Variants in EXD3 observed in about 807,000 individuals in gnomAD.
EXD3 encodes exonuclease 3'-5' domain containing 3.
A neutral mutation model predicts 98.0 loss-of-function variants in EXD3; 92 were observed. The observed-to-expected ratio is 0.94, with a 90% CI of 0.79 to 1.12. The LOEUF is 1.12. EXD3 is among the 50% of genes most tolerant of loss of function. The pLI, the probability that EXD3 is intolerant of heterozygous loss-of-function variation, is 0.00. For missense variants in EXD3, 1,222 were observed against 1,191.6 expected (o/e 1.03, Z -0.38); for synonymous variants, 569 against 526.0 (o/e 1.08, Z -1.12).
chr9:137,347,477 T>C lies in EXD3; in HGVS notation c.1998+594A>G, dbSNP rs1833995248. Among the ~76,000 whole-genome samples the C allele has an allele frequency of 6.6e-6, 1 of 151,900 alleles. No individual in the cohort carries two copies. Among genetic ancestry groups the C allele is most frequent in the Non-Finnish European group, 1.5e-5 (1 of 67,976 alleles). On this transcript the variant is annotated intron_variant, in intron 17 of 21. Transcript: ENST00000340951. The surrounding 1 kb of genome is among the most constrained non-coding windows in gnomAD (Gnocchi z 4.2). ...TTTTTTTTTTAAGATGGAGTCTTGC[T>C]CTGTCAGCCAGGCTGGAGTGCAGTG... is the stretch of plus-strand genomic sequence containing the variant.
At chr9:137,351,951 C>T (rs548663895) in intron 12 of EXD3, 115 bp downstream of exon 12, 31 of 1,350,614 alleles carry the variant, frequency 2.3e-5, no homozygotes, top group South Asian at 5.7e-5. Context: ...GGGCACCTGG[C>T]GGGCTCATGC....
chr9:137,410,030 G>C (rs1288137796), intron 1 of EXD3, among the ~76,000 whole-genome samples: 1 of 150,876 alleles, frequency 6.6e-6, no homozygotes, highest in South Asian at 2.1e-4. Flanking sequence ...CAAAAAATTA[G>C]CTGGGCATGG....
At chr9:137,374,205 A>G (rs1835782962) in intron 3 of EXD3, among the ~76,000 whole-genome samples, 1 of 152,254 alleles carries the variant, frequency 6.6e-6, no homozygotes, top group Admixed American at 6.5e-5. Flanking sequence ...ACTTCAAGCC[A>G]TAACGACTGC....
intron 2 of EXD3, among the ~76,000 whole-genome samples, chr9:137,391,463 G>A (rs1251115750): frequency 2.0e-5 from 3 of 152,220 alleles, no homozygotes; most frequent in Admixed American, 1.3e-4. Flanking sequence ...CCCATTGTCC[G>A]GAGCCCAGCA....
At position 137,348,155 on chromosome 9, in the gene EXD3, C is replaced by A. The variant is rs368003193; in HGVS notation, c.1914G>T (p.Leu638=). 2.2e-5 allele frequency: 36 copies of A among 1,612,066 alleles called. No homozygotes were observed. The highest frequency in any genetic ancestry group is 2.9e-5 in the Non-Finnish European group (34 of 1,179,722). ...RAFRVVCDNM[L]QGLARSLRCL... is the part of the protein sequence containing the mutation. ...AGCGGAGGCTCCGTGCCAGCCCCTG[C>A]AGCATGTTGTCACACACCACACGGA... The change falls in exon 17 of 22, where the codon CTG becomes CTT. Residue 638 remains leucine, a synonymous_variant. Coordinates refer to ENST00000340951, the MANE Select transcript of EXD3 (RefSeq NM_017820.5).
At chr9:137,400,766 A>C (rs563289137) in intron 1 of EXD3, among the ~76,000 whole-genome samples, 1 of 125,894 alleles carries the variant, frequency 7.9e-6, no homozygotes, top group Admixed American at 9.7e-5. Flanking sequence ...CTCCATCTCA[A>C]AAAAAAAAAA....
chr9:137,383,205 G>T, intron 3 of EXD3, 108 bp downstream of exon 3: 2 of 907,396 alleles, frequency 2.2e-6, no homozygotes, highest in South Asian at 1.5e-5. Flanking sequence ...GGCCGTGGGG[G>T]GCTGTGCAGC....
At chr9:137,316,327 G>C (rs1462093454) in intron 19 of EXD3, among the ~76,000 whole-genome samples, 1 of 152,010 alleles carries the variant, frequency 6.6e-6, no homozygotes, top group Non-Finnish European at 1.5e-5. Context: ...GCGCCGGCCT[G>C]GGGGACCCCG....
rs1228701083 is a variant in EXD3, at chr9:137,355,613, A to T, written c.757+655T>A. 4.8e-4 allele frequency among the ~76,000 whole-genome samples: 24 copies of T among 49,942 alleles called. 1 individual carries two copies. Among genetic ancestry groups the T allele is most frequent in the Admixed American group, 5.6e-4 (2 of 3,564 alleles). 32.8% of individuals were successfully genotyped at this position (49,942 alleles called of 152,430 possible). On this transcript the variant is annotated intron_variant, in intron 8 of 21. Coordinates refer to ENST00000340951, the MANE Select transcript of EXD3 (RefSeq NM_017820.5). ...GAAAGGGCGGAAGGAGAAAGGAGGA[A>T]GGAGGAAGGGAGGATGGAGGAAGGA...
intron 17 of EXD3, among the ~76,000 whole-genome samples, chr9:137,329,229 T>G (rs1193343452): frequency 6.5e-5 from 1 of 15,458 alleles, no homozygotes; most frequent in Admixed American, 6.6e-4. Flanking sequence ...GACACGGGGC[T>G]ACACGGGGCT....
rs1375481063 is a variant in EXD3, at chr9:137,324,762, G to A, written c.1999-619C>T. Among the ~76,000 whole-genome samples, 1 of 152,146 alleles carries A rather than the reference G, an allele frequency of 6.6e-6. No homozygotes were observed. Among genetic ancestry groups the A allele is most frequent in the Admixed American group, 6.5e-5 (1 of 15,280 alleles). On this transcript the variant is annotated intron_variant, in intron 17 of 21. Coordinates refer to ENST00000340951, the MANE Select transcript of EXD3 (RefSeq NM_017820.5). This position sits in a 1 kb window ranked among gnomAD's most constrained non-coding sequence, Gnocchi z 4.1. ...GGCCGGAGTGCAGTGGCGCTGTCTT[G>A]GCTCACTGCAAGCTCCGCCTCCTGG...
intron 19 of EXD3, among the ~76,000 whole-genome samples, chr9:137,312,377 G>T (rs1240215653): frequency 1.3e-5 from 2 of 152,202 alleles, no homozygotes; most frequent in African/African-American, 4.8e-5. Flanking sequence ...CGTGTGCCTG[G>T]TTCCCACGCT....
intron 17 of EXD3, among the ~76,000 whole-genome samples, chr9:137,337,098 G>C (rs6606583): frequency 0.85 from 128,576 of 152,110 alleles, 54,515 homozygotes; most frequent in East Asian, 1. Flanking sequence ...TGGAGAAATG[G>C]TATTAATGTT....
chr9:137,351,264 G>T, intron 13 of EXD3, 54 bp downstream of exon 13: 2 of 1,562,114 alleles, frequency 1.3e-6, no homozygotes, highest in South Asian at 1.2e-5. Context: ...GTCAGGCAGG[G>T]GTGCGGGCTG....
At chr9:137,398,621 C>A (rs1837330523) in intron 1 of EXD3, among the ~76,000 whole-genome samples, 1 of 151,214 alleles carries the variant, frequency 6.6e-6, no homozygotes, top group Admixed American at 6.6e-5. Flanking sequence ...GCACCCGCGT[C>A]CCCAAGACAC....
intron 3 of EXD3, among the ~76,000 whole-genome samples, chr9:137,378,141 CATG>C (rs1836009259): frequency 6.6e-6 from 1 of 152,022 alleles, no homozygotes; most frequent in African/African-American, 2.4e-5. Flanking sequence ...AAAAGATAAA[CATG>C]ATTACCACAT....
chr9:137,386,850 C>G (rs1296625729), intron 2 of EXD3, among the ~76,000 whole-genome samples: 23 of 146,864 alleles, frequency 1.6e-4, no homozygotes, highest in Non-Finnish European at 3.2e-4. Flanking sequence ...TCCCTCAGCA[C>G]CCCTGCTCCC....
In EXD3 at chr9:137,385,010, T is replaced by C. The variant is rs1387769202; in HGVS notation, c.56-1633A>G. 6.6e-6 allele frequency among the ~76,000 whole-genome samples: 1 copy of C among 152,102 alleles called. No individual in the cohort carries two copies. The highest frequency in any genetic ancestry group is 1.5e-5 in the Non-Finnish European group (1 of 68,022). On this transcript the variant is annotated intron_variant, in intron 2 of 21. Coordinates refer to ENST00000340951, the MANE Select transcript of EXD3 (RefSeq NM_017820.5). The surrounding 1 kb of genome is among the most constrained non-coding windows in gnomAD (Gnocchi z 4.4). ...GGGAGGCTGAGGCAGGAGAACAGCA[T>C]GAACCCGGGAGGCGGAGGTCGCAGT...
At position 137,352,856 on chromosome 9, in the gene EXD3, C is replaced by G. The variant is rs1834382629; in HGVS notation, c.871-70G>C. The G allele has an allele frequency of 5.3e-5, 79 of 1,499,614 alleles. No homozygotes were observed. The South Asian group carries it at 6.1e-4, about 12-fold the overall frequency. 92.9% of individuals were successfully genotyped at this position (1,499,614 alleles called of 1,614,324 possible). A position where few individuals can be genotyped will look rare whatever the true frequency, so the allele number is the denominator to read the frequency against. Reference sequence around the variant, plus strand: ...TGCCACAGGGCCCTGCCCCGAGGGACCCCCGTAGACCCCGACCTTGCAGAC... The same window carrying G: ...TGCCACAGGGCCCTGCCCCGAGGGAGCCCCGTAGACCCCGACCTTGCAGAC... On this transcript the variant is annotated intron_variant, in intron 10 of 21. Transcript: ENST00000340951.
Sources: allele counts gnomAD v4.1 joint callset (sites outside exome capture counted in the v4.1 genomes callset), GRCh38; gene constraint gnomAD v4.1.1; non-coding constraint Gnocchi (gnomAD v3.1); transcripts MANE v1.5; gene names NCBI Gene and HGNC (gene_info 2026-07-23, HGNC 2026-07-21).